ZMYND8: variants seen among roughly 807,000 people sequenced by gnomAD.
ZMYND8 encodes zinc finger MYND-type containing 8.
In ZMYND8, 37 loss-of-function variants were observed where a neutral mutation model predicts 140.8. The observed-to-expected ratio is 0.26, with a 90% CI of 0.20 to 0.35. ZMYND8 has a LOEUF of 0.35. Ranked by LOEUF, ZMYND8 falls within the 10% of genes least tolerant of loss-of-function variation. The pLI is 1.00. For synonymous variants in ZMYND8, 592 were observed against 597.1 expected (o/e 0.99, Z 0.12); for missense variants, 1,068 against 1,570.0 (o/e 0.68, Z 5.40).
intron 2 of ZMYND8, among the ~76,000 whole-genome samples, chr20:47,337,022 A>C (rs2081436107): frequency 6.7e-6 from 1 of 150,282 alleles, no homozygotes; most frequent in Non-Finnish European, 1.5e-5. Flanking sequence ...TAGGGACATT[A>C]AACACTCTTA....
rs1393165344 is a variant in ZMYND8 at position 47,291,811 on chromosome 20, A to T, written c.645T>A (p.Leu215=). 1.2e-6 allele frequency: 2 copies of T among 1,612,592 alleles called. No individual in the cohort carries two copies. The highest frequency in any genetic ancestry group is 1.7e-6 in the Non-Finnish European group (2 of 1,179,344). Residue 215 remains leucine (L), a synonymous_variant, in exon 6 of 23, where the codon CTT becomes CTA. Transcript: ENST00000471951. ...GGAGGCCAACCTTTTCCAATGTACA[A>T]AGGTCCATTGGATGGAAGATGTATT... ...YAEYIFHPMD[L]CTLEKNAKKK...
chr20:47,310,025 G>A (rs763722791), intron 3 of ZMYND8, 31 bp downstream of exon 3: 2 of 1,613,950 alleles, frequency 1.2e-6, no homozygotes, highest in Admixed American at 3.3e-5. Context: ...TGTCCCACCA[G>A]TGAGGACACC....
intron 10 of ZMYND8, among the ~76,000 whole-genome samples, chr20:47,281,568 G>A (rs1051996980): frequency 6.6e-6 from 1 of 152,178 alleles, no homozygotes; most frequent in Admixed American, 6.5e-5. Flanking sequence ...GTGTACGGAG[G>A]GAAAGGGGAG....
intron 3 of ZMYND8, among the ~76,000 whole-genome samples, chr20:47,307,749 C>T (rs1161306414): frequency 6.6e-6 from 1 of 151,936 alleles, no homozygotes; most frequent in East Asian, 1.9e-4. Flanking sequence ...ATCTCTTGAA[C>T]CTGGGAGGCA....
chr20:47,280,134 A>AG (rs1447228690), intron 10 of ZMYND8, among the ~76,000 whole-genome samples: 2 of 144,604 alleles, frequency 1.4e-5, no homozygotes, highest in Non-Finnish European at 3.1e-5. Flanking sequence ...CAAAAAAAAA[A>AG]AAAAAAAAAG....
intron 2 of ZMYND8, among the ~76,000 whole-genome samples, chr20:47,338,007 CAG>C (rs762310314): frequency 4.6e-5 from 7 of 151,966 alleles, no homozygotes; most frequent in Non-Finnish European, 1.0e-4. Context: ...CAATTATTGT[CAG>C]AGTTTCTAAG....
rs2034980073 is a variant in ZMYND8, at chr20:47,209,492, T to C, written c.*1269A>G. ...TGACAACTGCAATTCACAAATGTTC[T>C]TTCTCTCCTGTTTTCTTCTAATACT... On this transcript the variant is annotated 3_prime_UTR_variant, in exon 23 of 23. Coordinates refer to ENST00000471951, the MANE Select transcript of ZMYND8 (RefSeq NM_001281775.3). 6.6e-6 allele frequency: 1 copy of C among 152,156 alleles called. No homozygotes were observed. The highest frequency in any genetic ancestry group is 1.5e-5 in the Non-Finnish European group (1 of 68,032). 9.4% of individuals were successfully genotyped at this position (152,156 alleles called of 1,614,324 possible).
intron 2 of ZMYND8, among the ~76,000 whole-genome samples, chr20:47,328,151 GT>G (rs1209691188): frequency 2.6e-5 from 4 of 152,162 alleles, no homozygotes; most frequent in Admixed American, 6.6e-5. Context: ...CTTAAAGGGT[GT>G]AACAGGACAG....
intron 21 of ZMYND8, among the ~76,000 whole-genome samples, chr20:47,214,046 TTC>T (rs140460947): frequency 0.072 from 10,952 of 152,248 alleles, 495 homozygotes; most frequent in South Asian, 0.13. Context: ...CTAACTAAAA[TTC>T]TCTCTCTTCC....
At chr20:47,220,810 C>T (rs2036832119) in intron 20 of ZMYND8, among the ~76,000 whole-genome samples, 1 of 152,158 alleles carries the variant, frequency 6.6e-6, no homozygotes, top group African/African-American at 2.4e-5. Context: ...ACTATATACT[C>T]ATGAAAATAG....
At chr20:47,256,191 C>G (rs1438183508) in intron 12 of ZMYND8, among the ~76,000 whole-genome samples, 1 of 151,194 alleles carries the variant, frequency 6.6e-6, no homozygotes, top group Non-Finnish European at 1.5e-5. Flanking sequence ...GACAAAAGAC[C>G]CTAGCTGGCC....
intron 21 of ZMYND8, among the ~76,000 whole-genome samples, chr20:47,213,156 G>C (rs2035532639): frequency 6.6e-6 from 1 of 152,162 alleles, no homozygotes; most frequent in Non-Finnish European, 1.5e-5. Flanking sequence ...AGTGATAACA[G>C]AATAGGGAGG....
In ZMYND8 at chr20:47,298,738, A is replaced by G. The variant is rs779455844; in HGVS notation, c.444T>C (p.Pro148=). Residue 148 remains proline (P), a synonymous_variant, in exon 4 of 23, where the codon CCT becomes CCC. Coordinates refer to ENST00000471951, the MANE Select transcript of ZMYND8 (RefSeq NM_001281775.3). The surrounding 1 kb of genome is among the most constrained non-coding windows in gnomAD (Gnocchi z 5.0). ...TSEPEGDWFC[P]ECEKITVAEC... ...TTCATCAGGAACTAACCTCACATTC[A>G]GGACAAAACCAGTCCCCCTCTGGTT... is the stretch of plus-strand genomic sequence containing the variant. 1 of 1,613,008 alleles carries G rather than the reference A, an allele frequency of 6.2e-7. No individual in the cohort carries two copies. The highest frequency in any genetic ancestry group is 1.1e-5 in the South Asian group (1 of 90,846).
In ZMYND8 at chr20:47,321,964, G is replaced by A. The variant is rs187373051; in HGVS notation, c.86-11760C>T. On this transcript the variant is annotated intron_variant, in intron 2 of 22. Coordinates refer to ENST00000471951, the MANE Select transcript of ZMYND8 (RefSeq NM_001281775.3). ...CAACCTCAGCCTCCCAGGCTCAGGA[G>A]ATCCTCCTGTCTCAGCCTCCCAAGT... is the stretch of plus-strand genomic sequence containing the variant. Among the ~76,000 whole-genome samples the A allele has an allele frequency of 3.4e-4, 51 of 149,938 alleles. No individual in the cohort carries two copies. The East Asian group carries it at 9.7e-3, about 28-fold the overall frequency.
Position 47,265,565 on chromosome 20 carries a change from G to A in ZMYND8, c.1481-3137C>T, listed in dbSNP as rs151038739. Among the ~76,000 whole-genome samples, 1,145 of 152,180 alleles carry A rather than the reference G, an allele frequency of 7.5e-3. 14 individuals carry two copies. Among genetic ancestry groups the A allele is most frequent in the African/African-American group, 0.026 (1,081 of 41,498 alleles). On this transcript the variant is annotated intron_variant, in intron 11 of 22. Transcript: ENST00000471951. Reference sequence around the variant, plus strand: ...AAGCAATTCTCCTGCCTCAGTCTCCGGAGTAGCTGGGGCTACAGGTATGTG... The same window carrying A: ...AAGCAATTCTCCTGCCTCAGTCTCCAGAGTAGCTGGGGCTACAGGTATGTG...
chr20:47,255,689 GTATATATATATATATATATACCGTGTA>G (rs1436224138), intron 12 of ZMYND8, among the ~76,000 whole-genome samples: 2 of 103,178 alleles, frequency 1.9e-5, no homozygotes, highest in African/African-American at 8.3e-5. Context: ...GTGTGTGTGT[GTATATATATATATATATATACCGTGTA>G]TGTGTGTATA....
In ZMYND8 at chr20:47,239,660, AAAAGT is replaced by A. The variant is rs1414672496; in HGVS notation, c.2285-527_2285-523del. On this transcript the variant is annotated intron_variant, in intron 14 of 22. Transcript: ENST00000471951. Reference sequence around the variant, plus strand: ...CAGTAACACTCAGTCACCCAGAAAGAAAAGTATTCTTTTCATCTCTTCTGATTCCC... The same window carrying A: ...CAGTAACACTCAGTCACCCAGAAAGAATTCTTTTCATCTCTTCTGATTCCC... Among the ~76,000 whole-genome samples the A allele has an allele frequency of 3.3e-5, 5 of 152,194 alleles. No homozygotes were observed. In the South Asian group the frequency reaches 1.0e-3, roughly 32 times the overall value.
chr20:47,282,954 G>GTGTTAATCTCCAAAAGCAC (rs2076702694), intron 9 of ZMYND8, among the ~76,000 whole-genome samples: 2 of 152,006 alleles, frequency 1.3e-5, no homozygotes, highest in Admixed American at 1.3e-4. Context: ...AGCTATTCCG[G>GTGTTAATCTCCAAAAGCAC]TGTTAATCTC....
chr20:47,279,915 G>A (rs1227632940), intron 10 of ZMYND8, among the ~76,000 whole-genome samples: 1 of 151,920 alleles, frequency 6.6e-6, no homozygotes, highest in Non-Finnish European at 1.5e-5. Flanking sequence ...TTGAATCCAG[G>A]AGTTCAAGAC....
Sources: allele counts gnomAD v4.1 joint callset (sites outside exome capture counted in the v4.1 genomes callset), GRCh38; gene constraint gnomAD v4.1.1; non-coding constraint Gnocchi (gnomAD v3.1); transcripts MANE v1.5; gene names NCBI Gene and HGNC (gene_info 2026-07-23, HGNC 2026-07-21).